The following WDR37 variants were observed in gnomAD, a reference collection of about 807,000 sequenced individuals.
WDR37 encodes the protein WD repeat domain 37.
Under a neutral mutation model 62.9 loss-of-function variants are expected in WDR37, and 19 were observed. The ratio of observed to expected loss-of-function variants is 0.30; its 90% CI spans 0.21 to 0.44. The LOEUF (loss-of-function observed/expected upper bound fraction) is 0.44, where lower values mean the gene tolerates loss of function less well. Among genes scored for constraint, WDR37 ranks in the 20% least tolerant of loss-of-function variants. The probability of loss-of-function intolerance (pLI) is 1.00; values close to 1 mark genes in which losing one functional copy is unlikely to be tolerated. For synonymous variants in WDR37, 250 were observed against 260.9 expected, an observed-to-expected ratio of 0.96 and a Z score of 0.40; for missense variants, 474 against 657.6, an observed-to-expected ratio of 0.72 and a Z score of 3.05.
rs954340951 is a variant in WDR37, at chr10:1,056,802, A to G, written c.-207A>G. ...GGACTGGGGCGGGACTTCCGGCGAC[A>G]CCGGAAGTGCATTAGCGCCAGGTTG... On this transcript the variant is annotated 5_prime_UTR_variant, in exon 1 of 14. Transcript: ENST00000263150. 1.3e-5 allele frequency: 2 copies of G among 152,262 alleles called. No individual in the cohort carries two copies. Among genetic ancestry groups the G allele is most frequent in the African/African-American group, 2.4e-5 (1 of 41,516 alleles). The allele number at this position is 152,262 out of a possible 1,614,324, so 9.4% of individuals were successfully genotyped here.
chr10:1,109,124 A>C (rs1835127344), intron 11 of WDR37, among the ~76,000 whole-genome samples: 1 of 152,012 alleles, frequency 6.6e-6, no homozygotes, highest in African/African-American at 2.4e-5. Context: ...AGAGAGAGAA[A>C]CTGAGGCATG....
At chr10:1,126,591 G>A (rs1020758965) in intron 13 of WDR37, among the ~76,000 whole-genome samples, 4 of 152,278 alleles carry the variant, frequency 2.6e-5, no homozygotes, top group East Asian at 1.9e-4. Context: ...AGGGCCACAC[G>A]CCTGCCGGCA....
At chr10:1,075,265 A>G (rs529662352) in intron 2 of WDR37, among the ~76,000 whole-genome samples, 2 of 146,422 alleles carry the variant, frequency 1.4e-5, no homozygotes, top group Non-Finnish European at 3.0e-5. Context: ...TCTTTTCCAT[A>G]GCAATTCCTT....
At chr10:1,114,575 T>C (rs1835326914) in intron 11 of WDR37, among the ~76,000 whole-genome samples, 1 of 152,264 alleles carries the variant, frequency 6.6e-6, no homozygotes, top group Non-Finnish European at 1.5e-5. Context: ...GGTGTGGCTA[T>C]GGCTTCTGTA....
chr10:1,104,976 C>G, intron 10 of WDR37, 150 bp from the exon 11 acceptor site: 1 of 931,862 alleles, frequency 1.1e-6, no homozygotes, highest in Non-Finnish European at 1.5e-6. Context: ...AAAACCTGCC[C>G]CACTGTGACC....
At chr10:1,127,880 G>A (rs1454692048) in intron 13 of WDR37, among the ~76,000 whole-genome samples, 2 of 152,242 alleles carry the variant, frequency 1.3e-5, no homozygotes, top group Non-Finnish European at 2.9e-5. Flanking sequence ...ATGAGAGATG[G>A]AAATCCCATG....
intron 1 of WDR37, among the ~76,000 whole-genome samples, chr10:1,068,454 C>CA (rs911520549): frequency 6.7e-6 from 1 of 149,852 alleles, no homozygotes; most frequent in Non-Finnish European, 1.5e-5. Flanking sequence ...GACTCTGTCT[C>CA]AAAAAAACAA....
chr10:1,089,139 G>A (rs1834298571), intron 7 of WDR37, among the ~76,000 whole-genome samples: 2 of 152,016 alleles, frequency 1.3e-5, no homozygotes, highest in African/African-American at 2.4e-5. Context: ...AGTCCTCTCC[G>A]TGTTAGCTCT....
chr10:1,090,091 C>G (rs761105857), intron 7 of WDR37, among the ~76,000 whole-genome samples: 2 of 152,184 alleles, frequency 1.3e-5, no homozygotes, highest in African/African-American at 4.8e-5. Context: ...TTCAGCCTCC[C>G]GAGTAGCTGG....
At chr10:1,069,808 TTAAC>T (rs1489490425) in intron 1 of WDR37, among the ~76,000 whole-genome samples, 7 of 152,158 alleles carry the variant, frequency 4.6e-5, no homozygotes, top group African/African-American at 1.7e-4. Flanking sequence ...TTTAGTGAAA[TTAAC>T]TAACAAATTA....
chr10:1,127,687 G>A (rs1327172400), intron 13 of WDR37, among the ~76,000 whole-genome samples: 2 of 152,226 alleles, frequency 1.3e-5, no homozygotes, highest in Non-Finnish European at 2.9e-5. Context: ...CATTGGGCGT[G>A]AGGGTCCCTG....
chr10:1,101,319 T>G (rs1307344895), intron 9 of WDR37, among the ~76,000 whole-genome samples: 2 of 152,202 alleles, frequency 1.3e-5, no homozygotes, highest in Non-Finnish European at 2.9e-5. Context: ...CAGGGCTGGT[T>G]CCTCCTGAGG....
chr10:1,069,339 C>G (rs1833648882), intron 1 of WDR37, among the ~76,000 whole-genome samples: 1 of 131,680 alleles, frequency 7.6e-6, no homozygotes, highest in African/African-American at 2.9e-5. Context: ...TTCATGGCAA[C>G]TTTATTAGTA....
At chr10:1,065,317 T>C (rs1267570417) in intron 1 of WDR37, among the ~76,000 whole-genome samples, 4 of 152,122 alleles carry the variant, frequency 2.6e-5, no homozygotes, top group Non-Finnish European at 5.9e-5. Context: ...ACTGGTAAAA[T>C]GTTGATAATC....
chr10:1,124,836 T>C lies in WDR37; in HGVS notation c.1239-74T>C, dbSNP rs1035166650. ...ATGTGAATAATATGGAACCTCCTGC[T>C]TCATTATCTGTCAACTCAAAAACTT... On this transcript the variant is annotated intron_variant, in intron 12 of 13. Coordinates refer to ENST00000263150, the MANE Select transcript of WDR37 (RefSeq NM_014023.4). 6 of 1,559,580 alleles carry C rather than the reference T, an allele frequency of 3.8e-6. No homozygotes were observed. In the Admixed American group the frequency reaches 9.3e-5, roughly 24 times the overall value.
At chr10:1,074,183 A>T (rs1001421344) in intron 2 of WDR37, among the ~76,000 whole-genome samples, 1 of 152,230 alleles carries the variant, frequency 6.6e-6, no homozygotes, top group Non-Finnish European at 1.5e-5. Flanking sequence ...AAGCAGTCCA[A>T]GATAGGTTTT....
chr10:1,104,897 G>C (rs968626040), intron 10 of WDR37, among the ~76,000 whole-genome samples: 1 of 152,300 alleles, frequency 6.6e-6, no homozygotes, highest in South Asian at 2.1e-4. Flanking sequence ...GTCAGAAAAT[G>C]GGTTATGCAC....
chr10:1,115,198 C>T (rs1414700790), intron 11 of WDR37, among the ~76,000 whole-genome samples: 1 of 152,208 alleles, frequency 6.6e-6, no homozygotes, highest in African/African-American at 2.4e-5. Flanking sequence ...AACAGGAGAT[C>T]ATCTCAACAT....
intron 11 of WDR37, among the ~76,000 whole-genome samples, chr10:1,110,098 C>G (rs1835163434): frequency 6.6e-6 from 1 of 152,200 alleles, no homozygotes; most frequent in Non-Finnish European, 1.5e-5. Context: ...ACTAGCGTAT[C>G]TTGTTGATGT....
Sources: gnomAD v4.1 joint callset for allele counts (sites outside exome capture counted in the v4.1 genomes callset) on GRCh38, gnomAD v4.1.1 for gene constraint, MANE v1.5 for transcripts, NCBI Gene and HGNC (gene_info 2026-07-23, HGNC 2026-07-21) for gene names.